Variants in RHAG observed in about 807,000 individuals in gnomAD.
The protein encoded by RHAG is ammonium transporter Rh type A.
A neutral mutation model predicts 42.4 loss-of-function variants in RHAG; 25 were observed. The ratio of observed to expected loss-of-function variants is 0.59; its 90% confidence interval spans 0.43 to 0.82. The LOEUF is 0.82. Ranked by LOEUF, RHAG falls within the 40% of genes least tolerant of loss-of-function variation. The pLI is 0.00. For missense variants in RHAG, 483 were observed against 504.6 expected (o/e 0.96, Z 0.41); for synonymous variants, 182 against 177.7 (o/e 1.02, Z -0.19).
chr6:49,607,551 C>CT (rs1179647338), intron 7 of RHAG, among the ~76,000 whole-genome samples: 1 of 152,160 alleles, frequency 6.6e-6, no homozygotes, highest in Non-Finnish European at 1.5e-5. Flanking sequence ...TATCCACTCT[C>CT]TGTCAGTTTC....
At chr6:49,625,750 T>C (rs546646009) in intron 1 of RHAG, among the ~76,000 whole-genome samples, 3 of 152,324 alleles carry the variant, frequency 2.0e-5, no homozygotes, top group African/African-American at 7.2e-5. Flanking sequence ...TGTTACTCTG[T>C]TCTCCCAGTT....
chr6:49,634,780 C>A (rs1762982663), intron 1 of RHAG, among the ~76,000 whole-genome samples: 1 of 151,834 alleles, frequency 6.6e-6, no homozygotes, highest in African/African-American at 2.4e-5. Context: ...AGCGATGTGA[C>A]TACTAAACTA....
chr6:49,619,376 A>G lies in RHAG; in HGVS notation c.158-14T>C, dbSNP rs768888062. 6.2e-7 allele frequency: 1 copy of G among 1,610,682 alleles called. No individual in the cohort carries two copies. The highest frequency in any genetic ancestry group is 2.2e-5 in the East Asian group (1 of 44,864). ...CATCTTGGAACACTGGAAAAGAGGA[A>G]AGGAAAAAATATCTGCATTATGAGA... On this transcript the variant is annotated splice_polypyrimidine_tract_variant and intron_variant, in intron 1 of 9. Transcript: ENST00000371175.
intron 7 of RHAG, among the ~76,000 whole-genome samples, 198 bp downstream of exon 7, chr6:49,610,826 A>T (rs933817749): frequency 3.3e-5 from 5 of 152,308 alleles, no homozygotes; most frequent in East Asian, 3.9e-4. Context: ...TAATTTTTTT[A>T]AATTAACAAT....
At chr6:49,614,942 T>G in intron 4 of RHAG, 89 bp from the exon 5 acceptor site, 1 of 1,190,102 alleles carries the variant, frequency 8.4e-7, no homozygotes, top group Non-Finnish European at 1.2e-6. Context: ...ATTTACTTAT[T>G]TATTTGTTTA....
Position 49,606,845 on chromosome 6 carries a change from T to A in RHAG, c.1212+3A>T, listed in dbSNP as rs763946529. 10 of 1,579,226 alleles carry A rather than the reference T, an allele frequency of 6.3e-6. No homozygotes were observed. Among genetic ancestry groups the A allele is most frequent in the Non-Finnish European group, 2.6e-6 (3 of 1,148,490 alleles). On this transcript the variant is annotated splice_donor_region_variant and intron_variant, in intron 9 of 9. Coordinates refer to ENST00000371175, the MANE Select transcript of RHAG (RefSeq NM_000324.3). ...CATTCTTGTTTAGAATACTGTACAG[T>A]ACCTTCCAATAAACAGAATCATCAT... is the stretch of plus-strand genomic sequence containing the variant.
intron 1 of RHAG, among the ~76,000 whole-genome samples, chr6:49,632,337 C>T (rs1762946914): frequency 1.3e-5 from 2 of 152,062 alleles, no homozygotes; most frequent in African/African-American, 4.8e-5. Flanking sequence ...GAGTGTCTGG[C>T]AGATATTTTC....
At chr6:49,619,108 G>T in intron 2 of RHAG, 71 bp downstream of exon 2, 1 of 1,519,150 alleles carries the variant, frequency 6.6e-7, no homozygotes, top group Non-Finnish European at 9.1e-7. Flanking sequence ...ATATCATCAT[G>T]TTGGAGGTTA....
chr6:49,635,174 C>A (rs894546498), intron 1 of RHAG, among the ~76,000 whole-genome samples: 6 of 151,354 alleles, frequency 4.0e-5, no homozygotes, highest in African/African-American at 1.5e-4. Flanking sequence ...GACTTTCCTT[C>A]AACCTGGTGT....
chr6:49,628,642 G>A lies in RHAG; in HGVS notation c.157+8014C>T, dbSNP rs185009867. Among the ~76,000 whole-genome samples, 16 of 151,170 alleles carry A rather than the reference G, an allele frequency of 1.1e-4. No homozygotes were observed. The East Asian group carries it at 2.6e-3, about 24-fold the overall frequency. On this transcript the variant is annotated intron_variant, in intron 1 of 9. Transcript: ENST00000371175. The stretch of plus-strand genomic sequence containing the variant: ...TGAGTATTACAGCTCTTAAGGTGGC[G>A]CGTCTGGAGTTGTTCGTTCCTCCTG...
At position 49,606,655 on chromosome 6, in the gene RHAG, CA is replaced by C. The variant is rs1774168962; in HGVS notation, c.1212+192del. ...TGTAGAGAGTTGCCCAGGCTGGACC[CA>C]AACTCCTGGCATCAAACAATCCTCC... On this transcript the variant is annotated intron_variant, in intron 9 of 9. Transcript: ENST00000371175. 5.6e-6 allele frequency: 3 copies of C among 537,636 alleles called. No homozygotes were observed. The African/African-American group carries it at 5.6e-5, about 10-fold the overall frequency. The allele number at this position is 537,636 out of a possible 1,614,324, so 33.3% of individuals were successfully genotyped here. A position where few individuals can be genotyped will look rare whatever the true frequency, so the allele number is the denominator to read the frequency against.
chr6:49,622,105 C>T (rs1304141387), intron 1 of RHAG, among the ~76,000 whole-genome samples: 6 of 151,912 alleles, frequency 3.9e-5, no homozygotes, highest in Admixed American at 1.3e-4. Context: ...CTTGTAGCTC[C>T]CATAATTCCC....
At chr6:49,629,725 G>C (rs1230404245) in intron 1 of RHAG, among the ~76,000 whole-genome samples, 2 of 152,192 alleles carry the variant, frequency 1.3e-5, no homozygotes, top group Non-Finnish European at 2.9e-5. Context: ...GTGAGAAATC[G>C]AGCGCAGCGC....
rs989353873 is a variant in RHAG at position 49,605,202 on chromosome 6, T to C, written c.*611A>G. ...TTATTTTATAACAATATTTAATTAT[T>C]GGACATTTTATGCAAAATAGACTTT... On this transcript the variant is annotated 3_prime_UTR_variant, in exon 10 of 10. Transcript: ENST00000371175. The C allele has an allele frequency of 6.5e-6, 1 of 155,016 alleles. No individual in the cohort carries two copies. Among genetic ancestry groups the C allele is most frequent in the Non-Finnish European group, 1.4e-5 (1 of 69,698 alleles). 9.6% of individuals were successfully genotyped at this position (155,016 alleles called of 1,614,324 possible). A position where few individuals can be genotyped will look rare whatever the true frequency, so the allele number is the denominator to read the frequency against.
intron 7 of RHAG, among the ~76,000 whole-genome samples, chr6:49,608,552 T>G (rs752822995): frequency 6.6e-6 from 1 of 152,054 alleles, no homozygotes; most frequent in Non-Finnish European, 1.5e-5. Context: ...ACTTTTTGTG[T>G]TTTTAGTAGA....
chr6:49,615,474 C>T, intron 4 of RHAG, 150 bp downstream of exon 4: 1 of 860,712 alleles, frequency 1.2e-6, no homozygotes, highest in South Asian at 1.4e-5. Context: ...AGTAATCCCA[C>T]CTCAGCCTCC....
rs751765811 is a variant in RHAG, at chr6:49,618,123, A to G, written c.437T>C (p.Ile146Thr). The G allele has an allele frequency of 8.7e-6, 14 of 1,614,092 alleles. No homozygotes were observed. The Admixed American group carries it at 2.3e-4, about 27-fold the overall frequency. Residue 146 changes from isoleucine to threonine, a missense_variant, in exon 3 of 10, where the codon ATT becomes ACT. Physicochemically the swap from Ile to Thr is moderately conservative, Grantham distance 89. Transcript: ENST00000371175. ...GTGGGCAAAGAAAACAATTTCTAAA[A>G]TTGTCATGATCAGCATTTGGGTGGG... is the stretch of plus-strand genomic sequence containing the variant. ...TSPTQMLIMT[I>T]LEIVFFAHNE...
intron 1 of RHAG, among the ~76,000 whole-genome samples, chr6:49,625,667 T>G (rs1370010809): frequency 6.6e-6 from 1 of 152,016 alleles, no homozygotes; most frequent in Non-Finnish European, 1.5e-5. Flanking sequence ...ATTAGTAGAG[T>G]TTAATTTATG....
intron 1 of RHAG, 127 bp downstream of exon 1, chr6:49,636,529 T>A: frequency 1.0e-6 from 1 of 999,096 alleles, no homozygotes; most frequent in Non-Finnish European, 1.6e-6. Context: ...ACATGTAATA[T>A]CCTTAGCACT....
Sources: allele counts gnomAD v4.1 joint callset (sites outside exome capture counted in the v4.1 genomes callset), GRCh38; gene constraint gnomAD v4.1.1; transcripts MANE v1.5; gene names NCBI Gene and HGNC (gene_info 2026-07-23, HGNC 2026-07-21).